The following DAB1 variants were observed in gnomAD, a reference collection of about 807,000 sequenced individuals.
DAB1 encodes DAB adaptor protein 1, also known as disabled homolog 1.
DAB1 carries 15 observed loss-of-function variants against 64.6 expected under a neutral mutation model. The ratio of observed to expected loss-of-function variants is 0.23; its 90% CI spans 0.16 to 0.36. DAB1 has a LOEUF of 0.36. Ranked by LOEUF, DAB1 falls within the 10% of genes least tolerant of loss-of-function variation. The pLI is 1.00. For synonymous variants in DAB1, 235 were observed against 251.9 expected (o/e 0.93, Z 0.64); for missense variants, 596 against 706.7 (o/e 0.84, Z 1.78).
chr1:57,504,889 T>C (rs1438816027), intron 7 of DAB1, among the ~76,000 whole-genome samples: 1 of 152,208 alleles, frequency 6.6e-6, no homozygotes, highest in Non-Finnish European at 1.5e-5. Context: ...ATTTGAGTGA[T>C]ATGCCACAAA....
At chr1:57,201,722 T>G (rs866940073) in intron 2 of DAB1, among the ~76,000 whole-genome samples, 33 of 152,162 alleles carry the variant, frequency 2.2e-4, no homozygotes, top group African/African-American at 7.7e-4. Flanking sequence ...ATAATTGTAA[T>G]TAATTATTTT....
chr1:57,274,901 T>A (rs1281869097), intron 2 of DAB1, among the ~76,000 whole-genome samples: 1 of 136,146 alleles, frequency 7.3e-6, no homozygotes, highest in Non-Finnish European at 1.6e-5. Context: ...TTTTTTTTTT[T>A]AATCTAAGCC....
At chr1:57,000,386 C>T (rs1645813376) in intron 14 of DAB1, among the ~76,000 whole-genome samples, 1 of 152,100 alleles carries the variant, frequency 6.6e-6, no homozygotes, top group South Asian at 2.1e-4. Flanking sequence ...ACAGTAGGTC[C>T]TCAATGAGAG....
chr1:57,294,088 G>A (rs986278923), intron 1 of DAB1, among the ~76,000 whole-genome samples: 17 of 152,166 alleles, frequency 1.1e-4, no homozygotes, highest in African/African-American at 4.1e-4. Context: ...ATGCTGTGAA[G>A]TAACTCCAAA....
At chr1:58,208,416 A>T (rs1658389047) in intron 4 of DAB1, among the ~76,000 whole-genome samples, 1 of 152,110 alleles carries the variant, frequency 6.6e-6, no homozygotes, top group South Asian at 2.1e-4. Context: ...CACTGTACTC[A>T]ATGTATATTG....
At chr1:58,022,178 AAAGC>A (rs1646824472) in intron 5 of DAB1, among the ~76,000 whole-genome samples, 1 of 152,150 alleles carries the variant, frequency 6.6e-6, no homozygotes, top group South Asian at 2.1e-4. Flanking sequence ...ACTTTTCCCC[AAAGC>A]ATTACTCCAG....
intron 4 of DAB1, among the ~76,000 whole-genome samples, chr1:58,292,267 A>G (rs1661861225): frequency 6.6e-6 from 1 of 152,180 alleles, no homozygotes; most frequent in Non-Finnish European, 1.5e-5. Context: ...AAACCTCATC[A>G]TTGACCATTG....
chr1:58,010,405 C>G (rs966148917), intron 5 of DAB1, among the ~76,000 whole-genome samples: 7 of 152,176 alleles, frequency 4.6e-5, no homozygotes, highest in African/African-American at 1.4e-4. Context: ...ACAAACACAA[C>G]AGAACCTTCT....
chr1:57,186,488 C>T lies in DAB1; in HGVS notation c.68-41059G>A, dbSNP rs76803120. On this transcript the variant is annotated intron_variant, in intron 2 of 14. Transcript: ENST00000371236. The stretch of plus-strand genomic sequence containing the variant: ...GGATCTTCATGTGAATCAGGTTTTA[C>T]AGGTTCCATTTTCCATTGAAACAAT... 8.5e-3 allele frequency among the ~76,000 whole-genome samples: 1,291 copies of T among 152,306 alleles called. 10 individuals are homozygous for T. Among genetic ancestry groups the T allele is most frequent in the South Asian group, 0.019 (93 of 4,828 alleles).
At chr1:58,168,596 T>A (rs1422194090) in intron 4 of DAB1, among the ~76,000 whole-genome samples, 1 of 152,042 alleles carries the variant, frequency 6.6e-6, no homozygotes, top group Non-Finnish European at 1.5e-5. Flanking sequence ...CAGAAAGACA[T>A]AATTTTTGCC....
At chr1:58,145,871 T>C (rs1215821000) in intron 5 of DAB1, among the ~76,000 whole-genome samples, 1 of 152,226 alleles carries the variant, frequency 6.6e-6, no homozygotes, top group Non-Finnish European at 1.5e-5. Flanking sequence ...TTGAACTGCA[T>C]GGTTCCACTT....
At chr1:57,634,058 T>C (rs1646023016) in intron 7 of DAB1, among the ~76,000 whole-genome samples, 1 of 152,186 alleles carries the variant, frequency 6.6e-6, no homozygotes, top group African/African-American at 2.4e-5. Context: ...AGGCAGTTAG[T>C]GCAGAAAGGC....
intron 4 of DAB1, among the ~76,000 whole-genome samples, chr1:57,085,112 A>G (rs1361505526): frequency 6.6e-6 from 1 of 152,188 alleles, no homozygotes; most frequent in Non-Finnish European, 1.5e-5. Context: ...CCTCAGTTCT[A>G]CCATTTGCCT....
chr1:58,263,160 C>T (rs1661086888), intron 4 of DAB1, among the ~76,000 whole-genome samples: 1 of 152,070 alleles, frequency 6.6e-6, no homozygotes, highest in African/African-American at 2.4e-5. Context: ...AAACAGAGGC[C>T]AATTAATAAA....
intron 2 of DAB1, among the ~76,000 whole-genome samples, chr1:57,185,204 T>A (rs1663409539): frequency 2.6e-5 from 4 of 152,114 alleles, no homozygotes; most frequent in Admixed American, 2.6e-4. Context: ...CACAGTCCCA[T>A]CACCACTCCT....
At chr1:57,521,235 G>A (rs1284666410) in intron 7 of DAB1, among the ~76,000 whole-genome samples, 2 of 152,150 alleles carry the variant, frequency 1.3e-5, no homozygotes, top group Non-Finnish European at 2.9e-5. Context: ...GTCTAAGGAG[G>A]GGATTAACTG....
chr1:57,890,397 G>T (rs531523505), intron 5 of DAB1, among the ~76,000 whole-genome samples: 1 of 151,684 alleles, frequency 6.6e-6, no homozygotes, highest in South Asian at 2.1e-4. Flanking sequence ...ATACCTCCAT[G>T]CTGTCCCATT....
intron 5 of DAB1, among the ~76,000 whole-genome samples, chr1:58,001,634 C>T (rs1006611306): frequency 4.6e-5 from 7 of 152,162 alleles, no homozygotes; most frequent in African/African-American, 1.7e-4. Context: ...GGAAAGGTCT[C>T]ATTGTCACTT....
chr1:57,889,573 T>C (rs773966574), intron 5 of DAB1, among the ~76,000 whole-genome samples: 3 of 152,212 alleles, frequency 2.0e-5, no homozygotes, highest in Non-Finnish European at 4.4e-5. Context: ...TCACTAAGCC[T>C]GACTACAGCA....
Sources: allele counts gnomAD v4.1 joint callset (sites outside exome capture counted in the v4.1 genomes callset), GRCh38; gene constraint gnomAD v4.1.1; transcripts MANE v1.5; gene names NCBI Gene and HGNC (gene_info 2026-07-23, HGNC 2026-07-21).